Variants in GLCE observed in about 807,000 individuals in gnomAD.
The protein encoded by GLCE is glucuronic acid epimerase, also known as D-glucuronyl C5-epimerase.
A neutral mutation model predicts 47.9 loss-of-function variants in GLCE; 19 were observed. That is an observed-to-expected ratio of 0.40 (90% CI 0.28 to 0.58). The LOEUF (loss-of-function observed/expected upper bound fraction) is 0.58. GLCE is among the 20% of genes least tolerant of loss of function. GLCE has a pLI of 0.48. For missense variants in GLCE, 556 were observed against 743.3 expected, an observed-to-expected ratio of 0.75 and a Z score of 2.93; for synonymous variants, 245 against 263.4, an observed-to-expected ratio of 0.93 and a Z score of 0.68.
Position 69,211,671 on chromosome 15 carries a change from A to G in GLCE, c.-14+1265A>G, listed in dbSNP as rs145733054. 5.2e-3 allele frequency among the ~76,000 whole-genome samples: 794 copies of G among 152,104 alleles called. 6 individuals carry two copies. The highest frequency in any genetic ancestry group is 9.0e-3 in the Non-Finnish European group (613 of 67,900). ...AAAGTATATTTTAAAAACATGCCAT[A>G]TAAGTTAGAATTTCCAACCAATATC... On this transcript the variant is annotated intron_variant, in intron 2 of 4. Coordinates refer to ENST00000261858, the MANE Select transcript of GLCE (RefSeq NM_015554.3).
At chr15:69,177,643 T>C (rs1271521162) in intron 1 of GLCE, among the ~76,000 whole-genome samples, 2 of 150,090 alleles carry the variant, frequency 1.3e-5, no homozygotes, top group African/African-American at 2.5e-5. Flanking sequence ...GCCCCTTTAT[T>C]ATCTTTACCT....
intron 1 of GLCE, among the ~76,000 whole-genome samples, chr15:69,204,409 A>C (rs1179592399): frequency 2.0e-5 from 3 of 150,520 alleles, no homozygotes; most frequent in Non-Finnish European, 4.4e-5. Flanking sequence ...CAGCCTCCCG[A>C]GTAGCTGGGA....
At chr15:69,192,368 T>C (rs2051925737) in intron 1 of GLCE, among the ~76,000 whole-genome samples, 1 of 152,156 alleles carries the variant, frequency 6.6e-6, no homozygotes, top group South Asian at 2.1e-4. Flanking sequence ...ATATTTTTAT[T>C]TCAAGTATTT....
At position 69,268,517 on chromosome 15, in the gene GLCE, T is replaced by C. The variant is rs772846228; in HGVS notation, c.1127T>C (p.Met376Thr). The C allele has an allele frequency of 1.2e-6, 2 of 1,614,150 alleles. No individual in the cohort carries two copies. The highest frequency in any genetic ancestry group is 2.2e-5 in the South Asian group (2 of 91,082). The change falls in exon 5 of 5, where the codon ATG (methionine) becomes ACG (threonine). Residue 376 changes from methionine (M) to threonine (T), a missense_variant. By Grantham distance (81) the Met-to-Thr change is moderately conservative. This residue lies in a region of GLCE where 245 missense variants were observed against 368.1 expected (regional missense o/e 0.67). Transcript: ENST00000261858. ...AAAGCTGTCAAGCCAACCAAAATAA[T>C]GCCCAAGAAGGTGGTTAGGTTGATT... is the stretch of plus-strand genomic sequence containing the variant. ...NTKAVKPTKI[M>T]PKKVVRLIAK...
chr15:69,176,670 C>T (rs2051670870), intron 1 of GLCE, among the ~76,000 whole-genome samples: 1 of 152,150 alleles, frequency 6.6e-6, no homozygotes, highest in South Asian at 2.1e-4. Context: ...AGGGTAGGCT[C>T]TTAAGTTGTC....
chr15:69,202,615 G>A (rs920386736), intron 1 of GLCE, among the ~76,000 whole-genome samples: 3 of 152,116 alleles, frequency 2.0e-5, no homozygotes, highest in Non-Finnish European at 4.4e-5. Context: ...TCCCAATGTA[G>A]CAATAGGAAA....
Position 69,268,411 on chromosome 15 carries a change from A to T in GLCE, c.1021A>T (p.Ile341Phe), listed in dbSNP as rs943147228. ...AFKERDIYYG[I>F]GPRTSWSTVT... ...TAAAGAAAGAGATATATACTATGGC[A>T]TTGGGCCCAGAACTTCATGGAGCAC... Residue 341 changes from isoleucine (I) to phenylalanine (F), a missense_variant, in exon 5 of 5, where the codon ATT becomes TTT. Around this residue, in one of 3 missense-constraint regions of GLCE, gnomAD observed 245 missense variants for 368.1 expected, o/e 0.67. Coordinates refer to ENST00000261858, the MANE Select transcript of GLCE (RefSeq NM_015554.3). 8 of 1,613,744 alleles carry T rather than the reference A, an allele frequency of 5.0e-6. No individual in the cohort carries two copies. Among genetic ancestry groups the T allele is most frequent in the African/African-American group, 1.3e-5 (1 of 74,932 alleles).
chr15:69,268,811 C>G lies in GLCE; in HGVS notation c.1421C>G (p.Thr474Arg), dbSNP rs1338747328. 1.2e-6 allele frequency: 2 copies of G among 1,613,830 alleles called. No individual in the cohort carries two copies. The highest frequency in any genetic ancestry group is 1.7e-6 in the Non-Finnish European group (2 of 1,179,794). The change falls in exon 5 of 5, where the codon ACA becomes AGA. Residue 474 changes from threonine to arginine, a missense_variant. Thr to Arg is a moderately conservative substitution (Grantham distance 71). Transcript: ENST00000261858. The stretch of plus-strand genomic sequence containing the variant: ...TTCCTCAATTCAGCTTTAAGGGCAA[C>G]AGCCCCTTATAAGTTTCTATCTGAG... ...HIFLNSALRA[T>R]APYKFLSEQH... is the part of the protein sequence containing the mutation.
intron 1 of GLCE, among the ~76,000 whole-genome samples, chr15:69,199,456 A>G (rs1488185096): frequency 6.6e-6 from 1 of 152,168 alleles, no homozygotes; most frequent in Non-Finnish European, 1.5e-5. Context: ...TAAAAATAAG[A>G]TTTTAACAGG....
intron 2 of GLCE, among the ~76,000 whole-genome samples, chr15:69,236,340 G>A (rs533492674): frequency 6.6e-6 from 1 of 152,300 alleles, no homozygotes; most frequent in Non-Finnish European, 1.5e-5. Context: ...TTAGATATGA[G>A]ATACATCATT....
chr15:69,164,664 T>G (rs1595729676), intron 1 of GLCE, among the ~76,000 whole-genome samples: 3 of 152,020 alleles, frequency 2.0e-5, no homozygotes, highest in African/African-American at 7.2e-5. Context: ...GAGTAGCTAG[T>G]TCTCAAGAAA....
chr15:69,194,089 T>A (rs550057443), intron 1 of GLCE, among the ~76,000 whole-genome samples: 2 of 152,234 alleles, frequency 1.3e-5, no homozygotes, highest in South Asian at 4.1e-4. Context: ...CCTTACCTAT[T>A]TTTAGTTTAG....
In GLCE at chr15:69,261,275, G is replaced by A; in HGVS notation, c.775G>A (p.Ala259Thr). ...GACTGTGCCAAAGGGCTGCTTTATG[G>A]CGAATGTGGCTGATAAGTCTAGATT... ...DWTVPKGCFMANVADKSRFTN... is the reference protein window; with the variant it reads ...DWTVPKGCFMTNVADKSRFTN... Residue 259 changes from alanine (A) to threonine (T), a missense_variant, in exon 4 of 5, where the codon GCG (alanine) becomes ACG (threonine). This residue lies in a region of GLCE where 74 missense variants were observed against 64.4 expected (regional missense o/e 1.15). Coordinates refer to ENST00000261858, the MANE Select transcript of GLCE (RefSeq NM_015554.3). The A allele has an allele frequency of 6.2e-7, 1 of 1,614,024 alleles. No homozygotes were observed. The highest frequency in any genetic ancestry group is 1.1e-5 in the South Asian group (1 of 91,066).
chr15:69,257,335 A>G (rs949421367), intron 3 of GLCE, among the ~76,000 whole-genome samples: 6 of 151,954 alleles, frequency 3.9e-5, no homozygotes, highest in Non-Finnish European at 8.8e-5. Flanking sequence ...AATTTTTTAT[A>G]ATATCTTTTT....
intron 4 of GLCE, among the ~76,000 whole-genome samples, chr15:69,262,857 T>C (rs1229480326): frequency 1.3e-5 from 2 of 152,204 alleles, no homozygotes; most frequent in African/African-American, 2.4e-5. Flanking sequence ...TGTGTGTGCA[T>C]GTACAGGTTG....
intron 1 of GLCE, among the ~76,000 whole-genome samples, chr15:69,169,913 A>T: frequency 6.6e-6 from 1 of 152,214 alleles, no homozygotes; most frequent in African/African-American, 2.4e-5. Flanking sequence ...TGATCATTAA[A>T]TGATTAAAGA....
At chr15:69,223,577 A>G (rs188025358) in intron 2 of GLCE, among the ~76,000 whole-genome samples, 4 of 152,176 alleles carry the variant, frequency 2.6e-5, no homozygotes, top group Admixed American at 2.6e-4. Flanking sequence ...TGCTACTTGG[A>G]GTTTGTTGAG....
intron 2 of GLCE, among the ~76,000 whole-genome samples, chr15:69,239,341 G>A (rs1490629308): frequency 6.6e-6 from 1 of 152,174 alleles, no homozygotes; most frequent in Non-Finnish European, 1.5e-5. Context: ...TAGGGCATAA[G>A]GTGATGTAGA....
At chr15:69,242,596 A>G (rs2052686807) in intron 2 of GLCE, among the ~76,000 whole-genome samples, 1 of 152,034 alleles carries the variant, frequency 6.6e-6, no homozygotes, top group Non-Finnish European at 1.5e-5. Context: ...TTCTTTTTCT[A>G]TTTGATTAAT....
Sources: allele counts gnomAD v4.1 joint callset (sites outside exome capture counted in the v4.1 genomes callset), GRCh38; gene constraint gnomAD v4.1.1; regional missense constraint gnomAD v4.1.1; transcripts MANE v1.5; gene names NCBI Gene and HGNC (gene_info 2026-07-23, HGNC 2026-07-21).